SYNDIG1: variants seen among roughly 807,000 people sequenced by gnomAD.
SYNDIG1 encodes synapse differentiation inducing 1.
Under a neutral mutation model 19.4 loss-of-function variants are expected in SYNDIG1, and 9 were observed. The observed-to-expected ratio is 0.46, with a 90% confidence interval of 0.28 to 0.81. The LOEUF (loss-of-function observed/expected upper bound fraction) is 0.81, where lower values mean the gene tolerates loss of function less well. SYNDIG1 is among the 30% of genes least tolerant of loss of function. The pLI, the probability that SYNDIG1 is intolerant of heterozygous loss-of-function variation, is 0.12. For missense variants in SYNDIG1, 311 were observed against 343.3 expected, an observed-to-expected ratio of 0.91 and a Z score of 0.74; for synonymous variants, 141 against 145.9, an observed-to-expected ratio of 0.97 and a Z score of 0.24.
At chr20:24,504,742 G>A (rs897589993) in intron 1 of SYNDIG1, among the ~76,000 whole-genome samples, 7 of 152,202 alleles carry the variant, frequency 4.6e-5, no homozygotes, top group African/African-American at 1.7e-4. Context: ...GAGTTGAGAC[G>A]GAGACTAAAC....
intron 3 of SYNDIG1, among the ~76,000 whole-genome samples, chr20:24,629,990 C>A (rs1453336563): frequency 3.3e-5 from 5 of 152,198 alleles, no homozygotes; most frequent in African/African-American, 1.2e-4. Context: ...TGCCTGGAGT[C>A]AGGAGCGGAG....
chr20:24,552,514 G>A (rs2146805332), intron 2 of SYNDIG1, among the ~76,000 whole-genome samples: 1 of 151,672 alleles, frequency 6.6e-6, no homozygotes, highest in Middle Eastern at 3.4e-3. Context: ...GTGTCCATGT[G>A]TTCTCATTGT....
chr20:24,593,844 A>G (rs1789974178), intron 3 of SYNDIG1, among the ~76,000 whole-genome samples: 1 of 152,032 alleles, frequency 6.6e-6, no homozygotes, highest in African/African-American at 2.4e-5. Flanking sequence ...CTTTTGAAAA[A>G]AAATCCATCG....
At chr20:24,619,193 G>A (rs1057375142) in intron 3 of SYNDIG1, among the ~76,000 whole-genome samples, 2 of 152,222 alleles carry the variant, frequency 1.3e-5, no homozygotes, top group Non-Finnish European at 1.5e-5. Flanking sequence ...GTCTGACTTA[G>A]TGGAACCCTC....
chr20:24,501,808 G>C lies in SYNDIG1; in HGVS notation c.-79+32055G>C, dbSNP rs528052166. The stretch of plus-strand genomic sequence containing the variant: ...CCCACTTGTGGTGTCTCATCCAGGA[G>C]AGTTTTATGCATCAGAGCAAGTAAG... On this transcript the variant is annotated intron_variant, in intron 1 of 3. Coordinates refer to ENST00000376862, the MANE Select transcript of SYNDIG1 (RefSeq NM_024893.3). 9.0e-4 allele frequency among the ~76,000 whole-genome samples: 137 copies of C among 152,362 alleles called. 1 individual carries two copies. Among genetic ancestry groups the C allele is most frequent in the African/African-American group, 3.2e-3 (134 of 41,592 alleles).
At chr20:24,620,572 G>C (rs1408071373) in intron 3 of SYNDIG1, among the ~76,000 whole-genome samples, 1 of 152,200 alleles carries the variant, frequency 6.6e-6, no homozygotes, top group African/African-American at 2.4e-5. Flanking sequence ...ACAAGATCTG[G>C]TTATGATCCA....
chr20:24,577,622 A>G (rs1404687094), intron 2 of SYNDIG1, among the ~76,000 whole-genome samples: 2 of 152,256 alleles, frequency 1.3e-5, no homozygotes, highest in East Asian at 3.8e-4. Flanking sequence ...TGCCAAGACC[A>G]GAGAACATGA....
At chr20:24,476,257 A>C (rs2055622804) in intron 1 of SYNDIG1, among the ~76,000 whole-genome samples, 1 of 152,216 alleles carries the variant, frequency 6.6e-6, no homozygotes, top group South Asian at 2.1e-4. Flanking sequence ...TTAATACACT[A>C]AATTTCCTCA....
chr20:24,578,086 T>TCTGGGCA (rs2058258514), intron 2 of SYNDIG1, among the ~76,000 whole-genome samples: 1 of 152,214 alleles, frequency 6.6e-6, no homozygotes, highest in South Asian at 2.1e-4. Flanking sequence ...CAGGCACTGT[T>TCTGGGCA]CTGGGCACTT....
chr20:24,512,108 A>AATATAT (rs56002733), intron 1 of SYNDIG1, among the ~76,000 whole-genome samples: 942 of 76,384 alleles, frequency 0.012, 17 homozygotes, highest in African/African-American at 0.016. Context: ...TGGTCTTTAA[A>AATATAT]ATATATATAT....
intron 3 of SYNDIG1, among the ~76,000 whole-genome samples, chr20:24,656,820 TTA>T (rs2059530101): frequency 6.6e-6 from 1 of 152,240 alleles, no homozygotes; most frequent in Non-Finnish European, 1.5e-5. Flanking sequence ...GGCCAGATGT[TTA>T]TCCCCTCCGA....
intron 1 of SYNDIG1, among the ~76,000 whole-genome samples, chr20:24,538,898 A>G (rs2057413230): frequency 6.6e-6 from 1 of 152,008 alleles, no homozygotes; most frequent in Non-Finnish European, 1.5e-5. Flanking sequence ...CCATCTGTAT[A>G]TCTTCTTTGG....
chr20:24,585,561 G>A (rs2058403572), intron 3 of SYNDIG1, among the ~76,000 whole-genome samples: 1 of 152,150 alleles, frequency 6.6e-6, no homozygotes, highest in Non-Finnish European at 1.5e-5. Flanking sequence ...GCTTCTAAAG[G>A]TTTCGATTCC....
intron 3 of SYNDIG1, among the ~76,000 whole-genome samples, chr20:24,663,925 C>T (rs890530674): frequency 3.3e-5 from 5 of 152,130 alleles, no homozygotes; most frequent in Admixed American, 1.3e-4. Context: ...TGTGGGAGCA[C>T]TGCTGCATGA....
chr20:24,470,853 G>C (rs1459255227), intron 1 of SYNDIG1, among the ~76,000 whole-genome samples: 1 of 152,116 alleles, frequency 6.6e-6, no homozygotes, highest in Non-Finnish European at 1.5e-5. Context: ...TGCGACGTCA[G>C]ATGCGCTGGC....
At chr20:24,577,102 AT>A (rs2058241982) in intron 2 of SYNDIG1, among the ~76,000 whole-genome samples, 1 of 152,182 alleles carries the variant, frequency 6.6e-6, no homozygotes, top group South Asian at 2.1e-4. Context: ...ATTTAGGGCA[AT>A]GTGTGTTCAA....
chr20:24,500,376 C>CT (rs2056410411), intron 1 of SYNDIG1, among the ~76,000 whole-genome samples: 5 of 152,208 alleles, frequency 3.3e-5, no homozygotes, highest in African/African-American at 1.2e-4. Context: ...TGTTTTCATC[C>CT]TTTTTCCATG....
At chr20:24,548,503 C>T (rs1015487508) in intron 2 of SYNDIG1, among the ~76,000 whole-genome samples, 8 of 152,130 alleles carry the variant, frequency 5.3e-5, no homozygotes, top group East Asian at 1.9e-4. Flanking sequence ...GAAAGAGGGG[C>T]GAGGACTCAA....
At chr20:24,549,128 G>A (rs148110262) in intron 2 of SYNDIG1, among the ~76,000 whole-genome samples, 50 of 152,136 alleles carry the variant, frequency 3.3e-4, no homozygotes, top group African/African-American at 1.0e-3. Context: ...TTTTTCAACT[G>A]TTTTCATGCT....
Sources: allele counts gnomAD v4.1 joint callset (sites outside exome capture counted in the v4.1 genomes callset), GRCh38; gene constraint gnomAD v4.1.1; transcripts MANE v1.5; gene names NCBI Gene and HGNC (gene_info 2026-07-23, HGNC 2026-07-21).